The following RBFOX1 variants were observed in gnomAD, a reference collection of about 807,000 sequenced individuals.
The protein encoded by RBFOX1 is RNA binding fox-1 homolog 1.
In RBFOX1, 8 loss-of-function variants were observed where a neutral mutation model predicts 57.7. That is an observed-to-expected ratio of 0.14 (90% CI 0.08 to 0.25). The LOEUF is 0.25. RBFOX1 is among the 10% of genes least tolerant of loss of function. The pLI, the probability that RBFOX1 is intolerant of heterozygous loss-of-function variation, is 1.00. For missense variants in RBFOX1, 611 were observed against 548.5 expected (o/e 1.11, Z -1.14); for synonymous variants, 326 against 222.4 (o/e 1.47, Z -4.15).
intron 8 of RBFOX1, 49 bp from the exon 9 acceptor site, chr16:7,597,322 G>T: frequency 7.2e-7 from 1 of 1,386,980 alleles, no homozygotes; most frequent in South Asian, 1.3e-5. Context: ...TAATTGAATT[G>T]GGAGCTGGCC....
intron 3 of RBFOX1, among the ~76,000 whole-genome samples, chr16:6,955,832 A>G (rs1316500230): frequency 6.6e-6 from 1 of 151,704 alleles, no homozygotes; most frequent in African/African-American, 2.4e-5. Flanking sequence ...CAGCCTCCTG[A>G]GTTGCTGGGA....
At position 5,967,837 on chromosome 16, in the gene RBFOX1, T is replaced by A; in HGVS notation, c.351+100502T>A. 1.3e-5 allele frequency among the ~76,000 whole-genome samples: 2 copies of A among 152,180 alleles called. 1 individual carries two copies. The highest frequency in any genetic ancestry group is 2.9e-5 in the Non-Finnish European group (2 of 68,036). ...GTTTTTACTACCATCAATTCGGATA[T>A]CTGAAAGCAGGGGTATTTTGCTTTG... On this transcript the variant is annotated intron_variant, in intron 4 of 19. Coordinates refer to the RBFOX1 transcript ENST00000641259.
In RBFOX1 at chr16:7,562,723, C is replaced by T. The variant is rs558752533; in HGVS notation, c.271-17054C>T. The stretch of plus-strand genomic sequence containing the variant: ...CAGCCCCCAGTCTTGAAAGAAGCTT[C>T]TTCCCCAGTGGGGGAAGGAGGAGGA... On this transcript the variant is annotated intron_variant, in intron 5 of 15. Coordinates refer to ENST00000550418, the MANE Select transcript of RBFOX1 (RefSeq NM_018723.4). Among the ~76,000 whole-genome samples, 11 of 152,306 alleles carry T rather than the reference C, an allele frequency of 7.2e-5. No homozygotes were observed. The South Asian group carries it at 2.3e-3, about 32-fold the overall frequency.
At position 6,674,184 on chromosome 16, in the gene RBFOX1, T is replaced by C. The variant is rs77357109; in HGVS notation, c.-16+19534T>C. ...CTCCAGAAAAGATATGTTGAAGTCCTAGCTTTTCCCACCCCCATACCTGTG... is the reference window on the plus strand; with the variant it reads ...CTCCAGAAAAGATATGTTGAAGTCCCAGCTTTTCCCACCCCCATACCTGTG... On this transcript the variant is annotated intron_variant, in intron 3 of 15. Coordinates refer to ENST00000550418, the MANE Select transcript of RBFOX1 (RefSeq NM_018723.4). Among the ~76,000 whole-genome samples the C allele has an allele frequency of 4.6e-3, 699 of 152,300 alleles. 8 individuals carry two copies. The highest frequency in any genetic ancestry group is 0.016 in the African/African-American group (676 of 41,564).
At chr16:6,409,407 C>G (rs1035797722) in intron 2 of RBFOX1, among the ~76,000 whole-genome samples, 1 of 152,132 alleles carries the variant, frequency 6.6e-6, no homozygotes, top group Admixed American at 6.5e-5. Context: ...GGAGCGAAAC[C>G]CGGTCTCAAA....
At chr16:6,705,416 A>G (rs985189912) in intron 3 of RBFOX1, 1 of 152,194 alleles carries the variant, frequency 6.6e-6, no homozygotes, top group African/African-American at 2.4e-5. Context: ...AGAAATACCT[A>G]CAGACATACA....
intron 3 of RBFOX1, among the ~76,000 whole-genome samples, chr16:5,799,032 A>G (rs2054972329): frequency 6.6e-6 from 1 of 152,156 alleles, no homozygotes; most frequent in Admixed American, 6.5e-5. Context: ...ATGAAGACAT[A>G]CCTGAGACTG....
At chr16:6,652,428 C>G (rs903889245) in intron 2 of RBFOX1, among the ~76,000 whole-genome samples, 2 of 151,418 alleles carry the variant, frequency 1.3e-5, no homozygotes, top group Non-Finnish European at 1.5e-5. Context: ...AGTCTGGCGA[C>G]AGAGCTAGAC....
intron 2 of RBFOX1, chr16:6,573,965 G>A (rs1220204257): frequency 6.6e-6 from 1 of 152,282 alleles, no homozygotes; most frequent in Non-Finnish European, 1.5e-5. Flanking sequence ...CCTCGCTTAG[G>A]TTAGGTTGCT....
intron 14 of RBFOX1, among the ~76,000 whole-genome samples, chr16:7,682,501 G>C (rs1399589427): frequency 1.3e-5 from 2 of 150,878 alleles, no homozygotes; most frequent in Non-Finnish European, 2.9e-5. Flanking sequence ...TCATATCTCT[G>C]TGCCATTTTT....
At chr16:5,961,363 A>C (rs769060914) in intron 4 of RBFOX1, among the ~76,000 whole-genome samples, 173 of 152,242 alleles carry the variant, frequency 1.1e-3, no homozygotes, top group Non-Finnish European at 4.3e-4. Context: ...GAGCTTCCAA[A>C]ATTACTCAAT....
rs138164002 is a variant in RBFOX1, at chr16:5,366,394, A to T, written c.220-100822A>T. The T allele has an allele frequency of 1.1e-3, 498 of 433,390 alleles. 1 individual carries two copies. Among genetic ancestry groups the T allele is most frequent in the African/African-American group, 9.3e-3 (451 of 48,652 alleles). The allele number at this position is 433,390 out of a possible 1,614,324, so 26.8% of individuals were successfully genotyped here. A position where few individuals can be genotyped will look rare whatever the true frequency, so the allele number is the denominator to read the frequency against. On this transcript the variant is annotated intron_variant, in intron 1 of 2. Transcript: ENST00000585867. ...GAAAAGTACCAGTGAAGAAATATATATGAGATACTCCAGCCAAAAATGCAC... is the reference window on the plus strand; with the variant it reads ...GAAAAGTACCAGTGAAGAAATATATTTGAGATACTCCAGCCAAAAATGCAC...
intron 1 of RBFOX1, among the ~76,000 whole-genome samples, chr16:5,422,502 T>TGAGGAAAGGAGGAGGTGAGG (rs1567485083): frequency 1.6e-5 from 1 of 62,438 alleles, no homozygotes; most frequent in Non-Finnish European, 2.9e-5. Flanking sequence ...AGGAGGTGAG[T>TGAGGAAAGGAGGAGGTGAGG]AAAGGAGGAG....
chr16:7,115,574 C>A (rs532862908), intron 4 of RBFOX1, among the ~76,000 whole-genome samples: 6 of 152,134 alleles, frequency 3.9e-5, no homozygotes, highest in Admixed American at 3.9e-4. Flanking sequence ...TGGCTGTTAG[C>A]AGGCTGGAAG....
At chr16:6,764,349 T>C (rs1413832441) in intron 3 of RBFOX1, among the ~76,000 whole-genome samples, 1 of 152,198 alleles carries the variant, frequency 6.6e-6, no homozygotes, top group Non-Finnish European at 1.5e-5. Flanking sequence ...AGGGAAAACC[T>C]GAAATATTTT....
intron 3 of RBFOX1, among the ~76,000 whole-genome samples, chr16:5,790,510 G>GAAAA (rs60645917): frequency 4.2e-5 from 6 of 143,088 alleles, no homozygotes; most frequent in African/African-American, 1.3e-4. Context: ...ACAATATGCT[G>GAAAA]AAAAAAAAAA....
rs1233896974 is a variant in RBFOX1, at chr16:7,712,800, T to C, written c.*2055T>C. ...AAGAAAGAGTAGGAGCAGGGGGCTA[T>C]GGAGAATAAATTTCTCCCAATTGCC... On this transcript the variant is annotated 3_prime_UTR_variant, in exon 16 of 16. Coordinates refer to ENST00000550418, the MANE Select transcript of RBFOX1 (RefSeq NM_018723.4). 1.3e-5 allele frequency: 2 copies of C among 152,240 alleles called. No individual in the cohort carries two copies. Among genetic ancestry groups the C allele is most frequent in the African/African-American group, 2.4e-5 (1 of 41,476 alleles). 9.4% of individuals were successfully genotyped at this position (152,240 alleles called of 1,614,324 possible).
chr16:6,766,765 A>T (rs766305352), intron 3 of RBFOX1, among the ~76,000 whole-genome samples: 4 of 152,118 alleles, frequency 2.6e-5, no homozygotes, highest in Non-Finnish European at 5.9e-5. Flanking sequence ...TGGAATTTAC[A>T]CCAGTGATGG....
intron 3 of RBFOX1, among the ~76,000 whole-genome samples, chr16:5,797,365 C>T (rs968009882): frequency 6.6e-5 from 10 of 152,196 alleles, no homozygotes; most frequent in Non-Finnish European, 1.3e-4. Context: ...ACTTCAAGGA[C>T]CGTCTTGGAA....
Sources: gnomAD v4.1 joint callset for allele counts (sites outside exome capture counted in the v4.1 genomes callset) on GRCh38, gnomAD v4.1.1 for gene constraint, MANE v1.5 for transcripts, NCBI Gene and HGNC (gene_info 2026-07-23, HGNC 2026-07-21) for gene names.